ANO2: variants seen among roughly 807,000 people sequenced by gnomAD.
The protein encoded by ANO2 is anoctamin 2.
ANO2 carries 101 observed loss-of-function variants against 124.2 expected under a neutral mutation model. That is an observed-to-expected ratio of 0.81 (90% CI 0.69 to 0.96). ANO2 has a LOEUF of 0.96. Among genes scored for constraint, ANO2 ranks in the 40% least tolerant of loss-of-function variants. The probability of loss-of-function intolerance (pLI) is 0.00; values close to 1 mark genes in which losing one functional copy is unlikely to be tolerated. For missense variants in ANO2, 1,293 were observed against 1,274.5 expected (o/e 1.01, Z -0.22); for synonymous variants, 486 against 482.5 (o/e 1.01, Z -0.09).
chr12:5,700,802 G>A (rs1368729773), intron 14 of ANO2, among the ~76,000 whole-genome samples: 2 of 152,110 alleles, frequency 1.3e-5, no homozygotes, highest in Non-Finnish European at 2.9e-5. Flanking sequence ...ACCCCACAAA[G>A]TGCCTGTAAC....
chr12:5,922,814 G>C lies in ANO2; in HGVS notation c.23-10C>G. The C allele has an allele frequency of 6.8e-7, 1 of 1,481,010 alleles. No homozygotes were observed. The highest frequency in any genetic ancestry group is 9.0e-7 in the Non-Finnish European group (1 of 1,116,100). 91.7% of individuals were successfully genotyped at this position (1,481,010 alleles called of 1,614,324 possible). The stretch of plus-strand genomic sequence containing the variant: ...GGGAGCAGGGGTATATCTGTGAGAG[G>C]GAAAGACAAGGGAGGCAAAACAGCC... On this transcript the variant is annotated splice_polypyrimidine_tract_variant and intron_variant, in intron 1 of 24. Transcript: ENST00000682330.
chr12:5,645,398 C>A (rs405327), intron 15 of ANO2, among the ~76,000 whole-genome samples: 124,717 of 151,958 alleles, frequency 0.82, 51,474 homozygotes, highest in African/African-American at 0.88. Context: ...CAAGAAAAAA[C>A]AAATCTATCC....
At chr12:5,681,169 G>C (rs1591889854) in intron 14 of ANO2, among the ~76,000 whole-genome samples, 2 of 152,316 alleles carry the variant, frequency 1.3e-5, no homozygotes, top group Admixed American at 1.3e-4. Flanking sequence ...GAGACTCCAG[G>C]TAAACCCAGA....
chr12:5,585,436 G>C (rs147056971), intron 20 of ANO2, among the ~76,000 whole-genome samples: 59 of 152,286 alleles, frequency 3.9e-4, no homozygotes, highest in Middle Eastern at 3.4e-3. Context: ...TGCTGGGACA[G>C]ATCAGTAAGG....
chr12:5,652,631 G>A (rs1021797103), intron 14 of ANO2, among the ~76,000 whole-genome samples: 5 of 151,964 alleles, frequency 3.3e-5, no homozygotes, highest in African/African-American at 1.2e-4. Flanking sequence ...GTTTTGAGGT[G>A]TACTGGTCAA....
At chr12:5,929,932 T>A (rs28627744) in intron 1 of ANO2, among the ~76,000 whole-genome samples, 102 of 33,440 alleles carry the variant, frequency 3.1e-3, no homozygotes, top group African/African-American at 8.0e-3. Context: ...TTCTTTCCTC[T>A]CTCGTCTGCC....
At chr12:5,594,319 T>C (rs1469581234) in intron 20 of ANO2, among the ~76,000 whole-genome samples, 1 of 152,192 alleles carries the variant, frequency 6.6e-6, no homozygotes, top group East Asian at 1.9e-4. Context: ...CTTGCACCTG[T>C]GTTTTCTCTT....
In ANO2 at chr12:5,658,036, A is replaced by T. The variant is rs385762; in HGVS notation, c.1546-10235T>A. ...GACCATAAAGTTACATTTGAGAAAAAATATTATTTGCTCATTTGTCTTTCT... is the reference window on the plus strand; with the variant it reads ...GACCATAAAGTTACATTTGAGAAAATATATTATTTGCTCATTTGTCTTTCT... On this transcript the variant is annotated intron_variant, in intron 14 of 24. Coordinates refer to ENST00000682330, the MANE Select transcript of ANO2 (RefSeq NM_001364791.2). This position sits in a 1 kb window ranked among gnomAD's most constrained non-coding sequence, Gnocchi z 4.3. 0.33 allele frequency among the ~76,000 whole-genome samples: 50,041 copies of T among 151,914 alleles called. 8,865 individuals are homozygous for T. The highest frequency in any genetic ancestry group is 0.43 in the African/African-American group (17,748 of 41,400).
intron 15 of ANO2, among the ~76,000 whole-genome samples, chr12:5,643,048 C>G (rs1946459703): frequency 2.8e-5 from 4 of 144,456 alleles, no homozygotes; most frequent in Admixed American, 2.8e-4. Context: ...TGTGAACATG[C>G]AGAAAAATCC....
At chr12:5,748,527 C>T (rs1056852611) in intron 11 of ANO2, among the ~76,000 whole-genome samples, 1 of 152,184 alleles carries the variant, frequency 6.6e-6, no homozygotes, top group Non-Finnish European at 1.5e-5. Flanking sequence ...GCACTGACAA[C>T]TATTAGTTGT....
chr12:5,755,213 A>G (rs1951542472), intron 10 of ANO2, among the ~76,000 whole-genome samples: 1 of 151,792 alleles, frequency 6.6e-6, no homozygotes, highest in African/African-American at 2.4e-5. Context: ...TACTTTGAAT[A>G]TATCATCCTA....
At chr12:5,706,349 C>T (rs1156944544) in intron 14 of ANO2, among the ~76,000 whole-genome samples, 5 of 152,122 alleles carry the variant, frequency 3.3e-5, no homozygotes, top group African/African-American at 1.2e-4. Flanking sequence ...ATCCCCTCCC[C>T]ACTCCCTTTT....
At chr12:5,920,997 G>A (rs1367892565) in intron 3 of ANO2, 43 bp downstream of exon 3, 1 of 1,568,558 alleles carries the variant, frequency 6.4e-7, no homozygotes, top group Non-Finnish European at 8.7e-7. Context: ...CGGTTCTGTG[G>A]TGCCATTCCA....
chr12:5,869,608 C>G (rs1955518613), intron 3 of ANO2, among the ~76,000 whole-genome samples: 1 of 152,174 alleles, frequency 6.6e-6, no homozygotes, highest in African/African-American at 2.4e-5. Flanking sequence ...CATGGCACCC[C>G]TCAGTCAACT....
intron 9 of ANO2, among the ~76,000 whole-genome samples, chr12:5,801,023 G>A (rs759706706): frequency 6.6e-6 from 1 of 152,164 alleles, no homozygotes; most frequent in Non-Finnish European, 1.5e-5. Flanking sequence ...AGAAGTGTGT[G>A]GCATCCAGGA....
chr12:5,620,290 T>C (rs1945045065), intron 16 of ANO2, among the ~76,000 whole-genome samples: 1 of 152,178 alleles, frequency 6.6e-6, no homozygotes, highest in Non-Finnish European at 1.5e-5. Context: ...CAACAGCATC[T>C]GTCATAGTCC....
chr12:5,609,705 TAGAG>T (rs931320034), intron 19 of ANO2, among the ~76,000 whole-genome samples: 2 of 151,804 alleles, frequency 1.3e-5, no homozygotes, highest in Admixed American at 1.3e-4. Context: ...TCGATAGATT[TAGAG>T]AGATTCTGGG....
At chr12:5,747,321 C>T (rs990322263) in intron 11 of ANO2, among the ~76,000 whole-genome samples, 1 of 152,180 alleles carries the variant, frequency 6.6e-6, no homozygotes, top group African/African-American at 2.4e-5. Flanking sequence ...CTGAAAGACA[C>T]AAACCCTTAG....
intron 10 of ANO2, among the ~76,000 whole-genome samples, chr12:5,788,384 A>T (rs1035530397): frequency 6.6e-6 from 1 of 152,204 alleles, no homozygotes; most frequent in Non-Finnish European, 1.5e-5. Context: ...AATAGCTCTC[A>T]CTTTCACTAG....
Sources: gnomAD v4.1 joint callset for allele counts (sites outside exome capture counted in the v4.1 genomes callset) on GRCh38, gnomAD v4.1.1 for gene constraint, Gnocchi (gnomAD v3.1) non-coding constraint, MANE v1.5 for transcripts, NCBI Gene and HGNC (gene_info 2026-07-23, HGNC 2026-07-21) for gene names.